The following KLHL3 variants were observed in gnomAD, a reference collection of about 807,000 sequenced individuals.
KLHL3 encodes the protein kelch-like protein 3.
A neutral mutation model predicts 70.5 loss-of-function variants in KLHL3; 19 were observed. The observed-to-expected ratio is 0.27, with a 90% CI of 0.19 to 0.40. The LOEUF is 0.40. Ranked by LOEUF, KLHL3 falls within the 10% of genes least tolerant of loss-of-function variation. The probability of loss-of-function intolerance (pLI) is 1.00; values close to 1 mark genes in which losing one functional copy is unlikely to be tolerated. For missense variants in KLHL3, 512 were observed against 771.1 expected, an observed-to-expected ratio of 0.66 and a Z score of 3.98; for synonymous variants, 258 against 290.3, an observed-to-expected ratio of 0.89 and a Z score of 1.13.
chr5:137,643,120 G>A (rs1750958684), intron 8 of KLHL3, among the ~76,000 whole-genome samples: 1 of 152,154 alleles, frequency 6.6e-6, no homozygotes, highest in South Asian at 2.1e-4. Context: ...GGTGGCAGAG[G>A]CGGGTGGATC....
intron 6 of KLHL3, among the ~76,000 whole-genome samples, chr5:137,668,905 C>A (rs1345436737): frequency 6.7e-6 from 1 of 149,890 alleles, no homozygotes; most frequent in East Asian, 1.9e-4. Context: ...AGTTGTTAAA[C>A]ATTTACCAGC....
chr5:137,711,860 C>T (rs1332125029), intron 2 of KLHL3, among the ~76,000 whole-genome samples: 1 of 152,042 alleles, frequency 6.6e-6, no homozygotes, highest in Non-Finnish European at 1.5e-5. Flanking sequence ...TTTTTACTTA[C>T]ATTTAGGAAG....
At chr5:137,692,238 T>C (rs776564342) in intron 5 of KLHL3, 47 bp downstream of exon 5, 2 of 1,556,684 alleles carry the variant, frequency 1.3e-6, no homozygotes, top group East Asian at 4.6e-5. Context: ...ACCAGGTGAT[T>C]AGATCCACAA....
chr5:137,687,260 G>A (rs1469736903), intron 5 of KLHL3, among the ~76,000 whole-genome samples: 2 of 37,344 alleles, frequency 5.4e-5, no homozygotes, highest in Non-Finnish European at 4.9e-5. Flanking sequence ...GGGGGGGGTC[G>A]GCCAGCCGCC....
chr5:137,701,621 T>C (rs1473360456), intron 3 of KLHL3, among the ~76,000 whole-genome samples: 3 of 152,118 alleles, frequency 2.0e-5, no homozygotes, highest in Non-Finnish European at 4.4e-5. Flanking sequence ...GAAAAAGTAT[T>C]TATTGGAGTA....
chr5:137,642,722 A>G (rs769478776), intron 8 of KLHL3, among the ~76,000 whole-genome samples: 3 of 152,260 alleles, frequency 2.0e-5, no homozygotes, highest in Admixed American at 1.3e-4. Flanking sequence ...AATATGTTGG[A>G]ACACCAGGTT....
At position 137,709,686 on chromosome 5, in the gene KLHL3, C is replaced by T. The variant is rs1752756058; in HGVS notation, c.241+64G>A. On this transcript the variant is annotated intron_variant, in intron 3 of 14. Transcript: ENST00000309755. ...CCTCCCTCCCCTCATGTCACCACCCCCAACATTCTCCCAGTGGGGCTGCAG... is the reference window on the plus strand; with the variant it reads ...CCTCCCTCCCCTCATGTCACCACCCTCAACATTCTCCCAGTGGGGCTGCAG... The T allele has an allele frequency of 5.3e-6, 7 of 1,312,060 alleles. No individual in the cohort carries two copies. In the South Asian group the frequency reaches 5.9e-5, roughly 11 times the overall value. The allele number at this position is 1,312,060 out of a possible 1,614,324, so 81.3% of individuals were successfully genotyped here. A position where few individuals can be genotyped will look rare whatever the true frequency, so the allele number is the denominator to read the frequency against.
At chr5:137,727,318 C>T (rs907613555) in intron 1 of KLHL3, among the ~76,000 whole-genome samples, 1 of 152,050 alleles carries the variant, frequency 6.6e-6, no homozygotes, top group African/African-American at 2.4e-5. Flanking sequence ...TTCTCACTTT[C>T]GCTACCATTA....
intron 10 of KLHL3, among the ~76,000 whole-genome samples, chr5:137,638,106 G>C (rs1750815408): frequency 6.6e-6 from 1 of 152,122 alleles, no homozygotes; most frequent in Non-Finnish European, 1.5e-5. Flanking sequence ...AGTATAATCA[G>C]GTTCTCTACT....
At position 137,639,552 on chromosome 5, in the gene KLHL3, G is replaced by A. The variant is rs1319637225; in HGVS notation, c.1021+308C>T. On this transcript the variant is annotated intron_variant, in intron 9 of 14. Transcript: ENST00000309755. The surrounding 1 kb of genome is among the most constrained non-coding windows in gnomAD (Gnocchi z 5.0). ...CTACTAAAAATGCAAAAATTAGCTG[G>A]GCATGGTGGTGCACGCCTGTAATCC... 6.6e-6 allele frequency among the ~76,000 whole-genome samples: 1 copy of A among 151,964 alleles called. No individual in the cohort carries two copies. Among genetic ancestry groups the A allele is most frequent in the East Asian group, 1.9e-4 (1 of 5,182 alleles).
intron 5 of KLHL3, among the ~76,000 whole-genome samples, chr5:137,685,145 A>T (rs1014684040): frequency 8.5e-5 from 13 of 152,246 alleles, no homozygotes; most frequent in African/African-American, 3.1e-4. Context: ...AAAATCTATC[A>T]AACAACTTTT....
At chr5:137,677,506 C>T (rs752066192) in intron 6 of KLHL3, 39 bp downstream of exon 6, 10 of 1,214,790 alleles carry the variant, frequency 8.2e-6, no homozygotes, top group Middle Eastern at 1.9e-4. Flanking sequence ...GACCACCTGA[C>T]GAGTGAGGTT....
At chr5:137,700,208 A>G (rs1218474691) in intron 3 of KLHL3, among the ~76,000 whole-genome samples, 1 of 152,264 alleles carries the variant, frequency 6.6e-6, no homozygotes. Context: ...GAGTTTATTG[A>G]GACACACAAA....
intron 1 of KLHL3, among the ~76,000 whole-genome samples, chr5:137,733,706 T>A (rs1267295652): frequency 1.3e-5 from 2 of 152,146 alleles, no homozygotes; most frequent in African/African-American, 4.8e-5. Context: ...GGGAAAGACA[T>A]CCAGCAAAAG....
At chr5:137,733,953 C>G (rs1753220322) in intron 1 of KLHL3, among the ~76,000 whole-genome samples, 2 of 152,204 alleles carry the variant, frequency 1.3e-5, no homozygotes, top group South Asian at 2.1e-4. Flanking sequence ...GATTTCTTGT[C>G]TACCATCTGC....
chr5:137,673,032 A>C (rs1338482745), intron 6 of KLHL3: 1 of 152,202 alleles, frequency 6.6e-6, no homozygotes, highest in East Asian at 1.9e-4. Flanking sequence ...ATACCCTGAG[A>C]ATGACTCTAC....
chr5:137,631,888 G>A (rs185858192), intron 12 of KLHL3, among the ~76,000 whole-genome samples: 1 of 152,254 alleles, frequency 6.6e-6, no homozygotes, highest in East Asian at 1.9e-4. Context: ...AAAGTACTGT[G>A]TCTAGCTGCA....
At chr5:137,714,213 A>C (rs1347875806) in intron 2 of KLHL3, among the ~76,000 whole-genome samples, 1 of 152,200 alleles carries the variant, frequency 6.6e-6, no homozygotes, top group Non-Finnish European at 1.5e-5. Flanking sequence ...AGATGTGGAG[A>C]AAGTAGAAGC....
Position 137,639,974 on chromosome 5 carries a change from T to C in KLHL3, c.907A>G (p.Met303Val), listed in dbSNP as rs373403627. 3.7e-6 allele frequency: 6 copies of C among 1,614,056 alleles called. No individual in the cohort carries two copies. The highest frequency in any genetic ancestry group is 4.2e-6 in the Non-Finnish European group (5 of 1,179,896). ...GGTGCCTGGCCGCCAACCACAATCATGACCTCCGGAGAGACAAGTGGACGT... is the reference window on the plus strand; with the variant it reads ...GGTGCCTGGCCGCCAACCACAATCACGACCTCCGGAGAGACAAGTGGACGT... ...PRTPVSLPKV[M>V]IVVGGQAPKA... The change falls in exon 9 of 15, where the codon ATG (methionine) becomes GTG (valine). Residue 303 changes from methionine (M) to valine (V), a missense_variant. Coordinates refer to ENST00000309755, the MANE Select transcript of KLHL3 (RefSeq NM_017415.3). This position sits in a 1 kb window ranked among gnomAD's most constrained non-coding sequence, Gnocchi z 5.0.
Sources: allele counts gnomAD v4.1 joint callset (sites outside exome capture counted in the v4.1 genomes callset), GRCh38; gene constraint gnomAD v4.1.1; non-coding constraint Gnocchi (gnomAD v3.1); transcripts MANE v1.5; gene names NCBI Gene and HGNC (gene_info 2026-07-23, HGNC 2026-07-21).